The following LDAF1 variants were observed in gnomAD, a reference collection of about 807,000 sequenced individuals.
The protein encoded by LDAF1 is lipid droplet assembly factor 1, also known as PROMETHIN.
A neutral mutation model predicts 13.5 loss-of-function variants in LDAF1; 7 were observed. The observed-to-expected ratio is 0.52, with a 90% CI of 0.29 to 0.97. LDAF1 has a LOEUF of 0.97. Among genes scored for constraint, LDAF1 ranks in the 50% least tolerant of loss-of-function variants. LDAF1 has a pLI of 0.07. For missense variants in LDAF1, 148 were observed against 193.2 expected (o/e 0.77, Z 1.39); for synonymous variants, 69 against 77.1 (o/e 0.89, Z 0.55).
chr16:21,172,169 C>T (rs561766772), intron 3 of LDAF1, among the ~76,000 whole-genome samples: 1 of 150,904 alleles, frequency 6.6e-6, no homozygotes, highest in Non-Finnish European at 1.5e-5. Flanking sequence ...AAAAAGAGGC[C>T]GGACACAGTG....
intron 2 of LDAF1, among the ~76,000 whole-genome samples, chr16:21,167,687 C>G (rs1386171069): frequency 6.6e-5 from 1 of 15,196 alleles, no homozygotes; most frequent in Non-Finnish European, 1.3e-4. Context: ...AGTCCAAGAC[C>G]TTAGGTTTGT....
intron 1 of LDAF1, among the ~76,000 whole-genome samples, chr16:21,160,292 G>T (rs937349082): frequency 2.6e-5 from 4 of 151,996 alleles, no homozygotes; most frequent in South Asian, 4.1e-4. Context: ...CTCAACAAGG[G>T]TTAAAAAATA....
rs369555848 is a variant in LDAF1, at chr16:21,165,730, CCT to C, written c.96+4453_96+4454del. ...CTGCTCAAATGACAGCAGTTTGTTCCCTGTTTTTTTTTTCCCAGATGAAATTT... is the reference window on the plus strand; with the variant it reads ...CTGCTCAAATGACAGCAGTTTGTTCCGTTTTTTTTTTCCCAGATGAAATTT... On this transcript the variant is annotated intron_variant, in intron 2 of 4. Coordinates refer to ENST00000233047, the MANE Select transcript of LDAF1 (RefSeq NM_001301771.2). The C allele has an allele frequency of 8.5e-5, 50 of 590,546 alleles. 1 individual carries two copies. In the South Asian group the frequency reaches 3.2e-3, roughly 38 times the overall value. The allele number at this position is 590,546 out of a possible 1,614,324, so 36.6% of individuals were successfully genotyped here. A position where few individuals can be genotyped will look rare whatever the true frequency, so the allele number is the denominator to read the frequency against.
At chr16:21,176,025 G>C (rs572557701) in intron 4 of LDAF1, among the ~76,000 whole-genome samples, 2 of 152,122 alleles carry the variant, frequency 1.3e-5, no homozygotes, top group Non-Finnish European at 2.9e-5. Context: ...AATTATAGGC[G>C]TAAGGCACTA....
chr16:21,166,898 G>C, intron 2 of LDAF1: 1 of 1,535,692 alleles, frequency 6.5e-7, no homozygotes, highest in Non-Finnish European at 8.7e-7. Flanking sequence ...AGGCTGGGCA[G>C]TGCTGGCTCC....
chr16:21,179,270 G>A lies in LDAF1; in HGVS notation c.405-205G>A, dbSNP rs572912956. 2.1e-5 allele frequency: 15 copies of A among 725,480 alleles called. 1 individual carries two copies. In the South Asian group the frequency reaches 8.1e-4, roughly 39 times the overall value. 44.9% of individuals were successfully genotyped at this position (725,480 alleles called of 1,614,324 possible). The stretch of plus-strand genomic sequence containing the variant: ...ATATCCAAATTAGAAAATGGAAAAG[G>A]GGCCGTAACCCTACTCCTAACCTGG... On this transcript the variant is annotated intron_variant, in intron 4 of 4. Transcript: ENST00000233047.
At chr16:21,172,815 A>G (rs2093102297) in intron 3 of LDAF1, 1 of 985,266 alleles carries the variant, frequency 1.0e-6, no homozygotes, top group Admixed American at 6.2e-5. Flanking sequence ...GCGAATCTTT[A>G]TGAACAGGCA....
chr16:21,172,795 C>G, intron 3 of LDAF1: 1 of 984,684 alleles, frequency 1.0e-6, no homozygotes, highest in Non-Finnish European at 1.2e-6. Context: ...AAACGCTGAT[C>G]TAAAATTTTG....
chr16:21,173,324 G>T (rs1318557079), intron 3 of LDAF1: 1 of 152,420 alleles, frequency 6.6e-6, no homozygotes, highest in East Asian at 1.9e-4. Context: ...ACCTCCCCCA[G>T]TACTGCCTTG....
intron 4 of LDAF1, among the ~76,000 whole-genome samples, chr16:21,176,071 A>T (rs930210393): frequency 6.6e-6 from 1 of 152,266 alleles, no homozygotes; most frequent in East Asian, 1.9e-4. Context: ...AAAAGGAGAA[A>T]TATTGGCCTA....
At chr16:21,160,650 AAAAT>A (rs2092961608) in intron 1 of LDAF1, among the ~76,000 whole-genome samples, 1 of 152,246 alleles carries the variant, frequency 6.6e-6, no homozygotes, top group Non-Finnish European at 1.5e-5. Flanking sequence ...GTCAAGCTAA[AAAAT>A]AAACATAAGC....
intron 4 of LDAF1, 45 bp downstream of exon 4, chr16:21,174,193 C>CT (rs909714128): frequency 4.5e-6 from 7 of 1,562,886 alleles, no homozygotes; most frequent in Non-Finnish European, 6.1e-6. Context: ...AATCTTTCTA[C>CT]TTTTTTGTTT....
chr16:21,159,649 G>C (rs1475333120), intron 1 of LDAF1, among the ~76,000 whole-genome samples: 1 of 152,226 alleles, frequency 6.6e-6, no homozygotes, highest in East Asian at 1.9e-4. Context: ...TTCCCTTCTC[G>C]GGAGACAGCT....
intron 2 of LDAF1, among the ~76,000 whole-genome samples, chr16:21,165,811 T>G (rs890500457): frequency 6.6e-6 from 1 of 151,078 alleles, no homozygotes; most frequent in Admixed American, 6.6e-5. Context: ...TAATTTTAAG[T>G]TTTTTAATAA....
At chr16:21,166,973 T>C (rs1197062575) in intron 2 of LDAF1, 1 of 1,471,414 alleles carries the variant, frequency 6.8e-7, no homozygotes, top group African/African-American at 1.4e-5. Flanking sequence ...TTGGTGGCTT[T>C]TGTCAGAATG....
At chr16:21,172,459 AG>A (rs2093098586) in intron 3 of LDAF1, among the ~76,000 whole-genome samples, 1 of 152,088 alleles carries the variant, frequency 6.6e-6, no homozygotes, top group Admixed American at 6.5e-5. Flanking sequence ...AAAAAAGAAA[AG>A]AAAAGAAAAA....
chr16:21,159,461 C>T, intron 1 of LDAF1: 1 of 1,608,920 alleles, frequency 6.2e-7, no homozygotes. Flanking sequence ...AGAGATGTGA[C>T]CCCTCCTCCC....
At position 21,168,848 on chromosome 16, in the gene LDAF1, T is replaced by C. The variant is rs1443622598; in HGVS notation, c.97-1589T>C. On this transcript the variant is annotated intron_variant, in intron 2 of 4. Transcript: ENST00000233047. ...TAATTTAATTTTATATAATTATAAA[T>C]ATTTTTATATTTTATATTTATAATT... Among the ~76,000 whole-genome samples, 9 of 133,902 alleles carry C rather than the reference T, an allele frequency of 6.7e-5. No individual in the cohort carries two copies. In the East Asian group the frequency reaches 1.9e-3, roughly 28 times the overall value. 87.8% of individuals were successfully genotyped at this position (133,902 alleles called of 152,430 possible).
intron 4 of LDAF1, 42 bp from the exon 5 acceptor site, chr16:21,179,433 C>T (rs2093164905): frequency 2.5e-6 from 4 of 1,613,726 alleles, no homozygotes; most frequent in Admixed American, 1.7e-5. Flanking sequence ...TTGCTCTTTA[C>T]TGAGGCCCTA....
Sources: allele counts gnomAD v4.1 joint callset (sites outside exome capture counted in the v4.1 genomes callset), GRCh38; gene constraint gnomAD v4.1.1; transcripts MANE v1.5; gene names NCBI Gene and HGNC (gene_info 2026-07-23, HGNC 2026-07-21).